The following ITPR3 variants were observed in gnomAD, a reference collection of about 807,000 sequenced individuals.
ITPR3 encodes the protein inositol 1,4,5-trisphosphate receptor type 3.
In ITPR3, 173 loss-of-function variants were observed where a neutral mutation model predicts 293.2. That is an observed-to-expected ratio of 0.59 (90% CI 0.52 to 0.67). The LOEUF (loss-of-function observed/expected upper bound fraction) is 0.67, where lower values mean the gene tolerates loss of function less well. Among genes scored for constraint, ITPR3 ranks in the 30% least tolerant of loss-of-function variants. The pLI is 0.00. For synonymous variants in ITPR3, 1,295 were observed against 1,444.4 expected (o/e 0.90, Z 2.35); for missense variants, 2,796 against 3,592.1 (o/e 0.78, Z 5.66).
In ITPR3 at chr6:33,675,901, C is replaced by T. The variant is rs553675317; in HGVS notation, c.3282+45C>T. The T allele has an allele frequency of 2.0e-6, 3 of 1,504,740 alleles. No homozygotes were observed. The highest frequency in any genetic ancestry group is 2.7e-6 in the Non-Finnish European group (3 of 1,121,882). The allele number at this position is 1,504,740 out of a possible 1,614,324, so 93.2% of individuals were successfully genotyped here. A position where few individuals can be genotyped will look rare whatever the true frequency, so the allele number is the denominator to read the frequency against. ...CTGGCCCTGAGCATGAGGCCTGCACCAGGCACGGGGGGACAGTAAACGATG... is the reference window on the plus strand; with the variant it reads ...CTGGCCCTGAGCATGAGGCCTGCACTAGGCACGGGGGGACAGTAAACGATG... On this transcript the variant is annotated intron_variant, in intron 25 of 57. Transcript: ENST00000605930. The surrounding 1 kb of genome is among the most constrained non-coding windows in gnomAD (Gnocchi z 5.0).
chr6:33,668,510 C>T lies in ITPR3; in HGVS notation c.1887-5C>T. On this transcript the variant is annotated splice_polypyrimidine_tract_variant and splice_region_variant and intron_variant, in intron 16 of 57. Transcript: ENST00000605930. Reference sequence around the variant, plus strand: ...TCTTCCCACCGCTGGCTGTCACCACCCCAGGTTCCTGGACTACCTCTCTGA... The same window carrying T: ...TCTTCCCACCGCTGGCTGTCACCACTCCAGGTTCCTGGACTACCTCTCTGA... 3 of 1,614,156 alleles carry T rather than the reference C, an allele frequency of 1.9e-6. 1 individual carries two copies. In the South Asian group the frequency reaches 3.3e-5, roughly 18 times the overall value.
intron 7 of ITPR3, among the ~76,000 whole-genome samples, chr6:33,661,023 G>T (rs761174723): frequency 3.4e-4 from 51 of 152,190 alleles, no homozygotes; most frequent in Non-Finnish European, 6.2e-4. Context: ...TATTTCTGGG[G>T]AATCCGTCAT....
intron 7 of ITPR3, among the ~76,000 whole-genome samples, chr6:33,660,341 G>A (rs553174315): frequency 6.6e-6 from 1 of 152,076 alleles, no homozygotes; most frequent in South Asian, 2.1e-4. Flanking sequence ...AGGAGTCTTA[G>A]GTGCTCCTCC....
At chr6:33,680,765 A>G (rs1003739391) in intron 33 of ITPR3, 85 bp downstream of exon 33, 39 of 1,464,538 alleles carry the variant, frequency 2.7e-5, no homozygotes, top group Non-Finnish European at 3.5e-5. Context: ...ACATATTTAT[A>G]TTTGCTTATA....
At chr6:33,634,455 G>A (rs973729110) in intron 1 of ITPR3, among the ~76,000 whole-genome samples, 2 of 152,044 alleles carry the variant, frequency 1.3e-5, no homozygotes, top group African/African-American at 4.8e-5. Flanking sequence ...GACCCTCCCT[G>A]CTTTCCGTAG....
In ITPR3 at chr6:33,638,681, T is replaced by C. The variant is rs1047860237; in HGVS notation, c.90-1803T>C. ...ATGAAGACCAAATATATATTTCTTA[T>C]TATATCATTAACACTTTGCATTGTG... On this transcript the variant is annotated intron_variant, in intron 1 of 57. Transcript: ENST00000605930. This position sits in a 1 kb window ranked among gnomAD's most constrained non-coding sequence, Gnocchi z 4.3. Among the ~76,000 whole-genome samples, 1 of 152,266 alleles carries C rather than the reference T, an allele frequency of 6.6e-6. No homozygotes were observed. Among genetic ancestry groups the C allele is most frequent in the Non-Finnish European group, 1.5e-5 (1 of 68,048 alleles).
rs1765432283 is a variant in ITPR3 at position 33,692,917 on chromosome 6, G to A, written c.7624+24G>A. The A allele has an allele frequency of 1.2e-6, 2 of 1,611,788 alleles. No individual in the cohort carries two copies. Among genetic ancestry groups the A allele is most frequent in the South Asian group, 2.2e-5 (2 of 90,850 alleles). Reference sequence around the variant, plus strand: ...TGGTGAGGGCTGCTTCCTGCTCTGTGGAGGCCGCAGCGGGGCTGGAACGTC... The same window carrying A: ...TGGTGAGGGCTGCTTCCTGCTCTGTAGAGGCCGCAGCGGGGCTGGAACGTC... On this transcript the variant is annotated intron_variant, in intron 55 of 57. Transcript: ENST00000605930. The surrounding 1 kb of genome is among the most constrained non-coding windows in gnomAD (Gnocchi z 4.2).
rs1160455100 is a variant in ITPR3 at position 33,621,561 on chromosome 6, C to G, written c.-42C>G. The G allele has an allele frequency of 6.7e-7, 1 of 1,495,562 alleles. No homozygotes were observed. The highest frequency in any genetic ancestry group is 1.4e-5 in the African/African-American group (1 of 72,184). The allele number at this position is 1,495,562 out of a possible 1,614,324, so 92.6% of individuals were successfully genotyped here. On this transcript the variant is annotated 5_prime_UTR_variant, in exon 1 of 58. Transcript: ENST00000605930. The surrounding 1 kb of genome is among the most constrained non-coding windows in gnomAD (Gnocchi z 7.7). ...TCCGCACTGAGCTTGGCCACGCGCCCCTAGGCGCCCCCCACGCCCTGGGCC... is the reference window on the plus strand; with the variant it reads ...TCCGCACTGAGCTTGGCCACGCGCCGCTAGGCGCCCCCCACGCCCTGGGCC...
At chr6:33,637,263 A>C (rs1251858791) in intron 1 of ITPR3, among the ~76,000 whole-genome samples, 32 of 152,128 alleles carry the variant, frequency 2.1e-4, no homozygotes, top group Admixed American at 2.1e-3. Flanking sequence ...CTTCTGACCA[A>C]ACAGCCATAA....
At chr6:33,643,012 GAGAC>G (rs1269730755) in intron 2 of ITPR3, among the ~76,000 whole-genome samples, 2 of 152,210 alleles carry the variant, frequency 1.3e-5, no homozygotes, top group African/African-American at 4.8e-5. Flanking sequence ...TGTGGGATGA[GAGAC>G]ATGGACTATA....
chr6:33,687,249 C>G lies in ITPR3; in HGVS notation c.6099C>G (p.Tyr2033Ter), dbSNP rs200976556. Reference sequence around the variant, plus strand: ...AGGTGGACGTCATCAAGAAGGCCTACCTGCAGGAGGAAGAGCGTGAGAACT... The same window carrying G: ...AGGTGGACGTCATCAAGAAGGCCTAGCTGCAGGAGGAAGAGCGTGAGAACT... ...QELVDVIKKA[Y>*]LQEEERENSE... Residue 2033 changes from tyrosine to a stop codon, truncating the protein, a stop_gained, in exon 45 of 58, where the codon TAC (tyrosine) becomes TAG (stop). Transcript: ENST00000605930. LOFTEE classifies it high-confidence loss of function. The surrounding 1 kb of genome is among the most constrained non-coding windows in gnomAD (Gnocchi z 5.3). 12 of 1,613,374 alleles carry G rather than the reference C, an allele frequency of 7.4e-6. No homozygotes were observed. Among genetic ancestry groups the G allele is most frequent in the Non-Finnish European group, 1.0e-5 (12 of 1,179,520 alleles).
rs143245431 is a variant in ITPR3, at chr6:33,670,728, C to G, written c.2499C>G (p.Thr833=). 522 of 1,614,152 alleles carry G rather than the reference C, an allele frequency of 3.2e-4. No homozygotes were observed. The highest frequency in any genetic ancestry group is 2.2e-3 in the African/African-American group (167 of 75,022). ...ACAAGAAGAACAAGTTTGCCAACACCATGGAGTTCGTGGAGGACTACCTCA... is the reference window on the plus strand; with the variant it reads ...ACAAGAAGAACAAGTTTGCCAACACGATGGAGTTCGTGGAGGACTACCTCA... ...RDDKKNKFAN[T]MEFVEDYLNN... Residue 833 remains threonine, a synonymous_variant, in exon 20 of 58, where the codon ACC becomes ACG. Transcript: ENST00000605930. The surrounding 1 kb of genome is among the most constrained non-coding windows in gnomAD (Gnocchi z 6.7).
At chr6:33,648,849 C>G (rs1764127258) in intron 2 of ITPR3, among the ~76,000 whole-genome samples, 1 of 151,756 alleles carries the variant, frequency 6.6e-6, no homozygotes, top group African/African-American at 2.4e-5. Flanking sequence ...TTGCCTTGGA[C>G]TTCCAAAGTA....
chr6:33,691,979 G>C lies in ITPR3; in HGVS notation c.7458+51G>C, dbSNP rs1375372469. 6.2e-7 allele frequency: 1 copy of C among 1,610,412 alleles called. No individual in the cohort carries two copies. The highest frequency in any genetic ancestry group is 8.5e-7 in the Non-Finnish European group (1 of 1,178,806). On this transcript the variant is annotated intron_variant, in intron 54 of 57. Coordinates refer to ENST00000605930, the MANE Select transcript of ITPR3 (RefSeq NM_002224.4). This position sits in a 1 kb window ranked among gnomAD's most constrained non-coding sequence, Gnocchi z 4.9. ...CCTGTGGGGCCCAAGCCACTGTCCA[G>C]ATCAGCAACTGTGGAGAGTCCTGTC...
chr6:33,649,695 C>CT (rs1764145517), intron 2 of ITPR3, among the ~76,000 whole-genome samples: 1 of 152,202 alleles, frequency 6.6e-6, no homozygotes, highest in Non-Finnish European at 1.5e-5. Context: ...AACCGTATAA[C>CT]TTGCTTTGCT....
At chr6:33,639,381 A>G (rs1471313704) in intron 1 of ITPR3, among the ~76,000 whole-genome samples, 1 of 112,796 alleles carries the variant, frequency 8.9e-6, no homozygotes, top group Non-Finnish European at 2.2e-5. Flanking sequence ...TCTGTCTCAA[A>G]AAAAAAAAAA....
intron 1 of ITPR3, among the ~76,000 whole-genome samples, chr6:33,631,392 G>T (rs1004898145): frequency 6.6e-6 from 1 of 152,244 alleles, no homozygotes; most frequent in Non-Finnish European, 1.5e-5. Context: ...GATTGACAAG[G>T]TGAAGCAAGT....
At position 33,672,580 on chromosome 6, in the gene ITPR3, A is replaced by G. The variant is rs1764798508; in HGVS notation, c.2928+352A>G. 6.6e-6 allele frequency among the ~76,000 whole-genome samples: 1 copy of G among 152,016 alleles called. No individual in the cohort carries two copies. Among genetic ancestry groups the G allele is most frequent in the East Asian group, 1.9e-4 (1 of 5,184 alleles). On this transcript the variant is annotated intron_variant, in intron 22 of 57. Transcript: ENST00000605930. The surrounding 1 kb of genome is among the most constrained non-coding windows in gnomAD (Gnocchi z 5.0). Reference sequence around the variant, plus strand: ...ATAGTAATAACGATAAATAAATAAAAAGAAAAACAGAAATGCACATTCTCC... The same window carrying G: ...ATAGTAATAACGATAAATAAATAAAGAGAAAAACAGAAATGCACATTCTCC...
intron 2 of ITPR3, among the ~76,000 whole-genome samples, chr6:33,646,641 G>A (rs1764073811): frequency 1.3e-5 from 2 of 151,566 alleles, no homozygotes; most frequent in Admixed American, 1.3e-4. Context: ...ACTTTAGCCA[G>A]GTGTGGTGGC....
Sources: allele counts gnomAD v4.1 joint callset (sites outside exome capture counted in the v4.1 genomes callset), GRCh38; gene constraint gnomAD v4.1.1; non-coding constraint Gnocchi (gnomAD v3.1); transcripts MANE v1.5; gene names NCBI Gene and HGNC (gene_info 2026-07-23, HGNC 2026-07-21).